TET3: variants seen among roughly 807,000 people sequenced by gnomAD.
TET3 encodes the protein methylcytosine dioxygenase TET3.
Under a neutral mutation model 141.4 loss-of-function variants are expected in TET3, and 19 were observed. The ratio of observed to expected loss-of-function variants is 0.13; its 90% CI spans 0.09 to 0.20. The LOEUF (loss-of-function observed/expected upper bound fraction) is 0.20. Among genes scored for constraint, TET3 ranks in the 10% least tolerant of loss-of-function variants. TET3 has a pLI of 1.00. For synonymous variants in TET3, 1,043 were observed against 980.9 expected (o/e 1.06, Z -1.18); for missense variants, 1,874 against 2,356.9 (o/e 0.80, Z 4.24).
chr2:74,050,744 G>A (rs1212885803), intron 4 of TET3, among the ~76,000 whole-genome samples: 2 of 151,768 alleles, frequency 1.3e-5, no homozygotes, highest in Non-Finnish European at 2.9e-5. Flanking sequence ...TGGAGACGAG[G>A]TCTCACTATA....
intron 3 of TET3, among the ~76,000 whole-genome samples, chr2:74,029,097 C>A (rs1686533120): frequency 6.6e-6 from 1 of 152,184 alleles, no homozygotes; most frequent in African/African-American, 2.4e-5. Flanking sequence ...TGCTTCTCCT[C>A]CAATCTTGAA....
the TET3 span, chr2:74,121,426 CAAT>C: frequency 2.0e-5 from 3 of 152,180 alleles, no homozygotes; most frequent in Non-Finnish European, 4.4e-5. Flanking sequence ...GCAACTGAAT[CAAT>C]GATCAGAAAA....
At chr2:74,096,067 TTTAC>T (rs762320432) in intron 10 of TET3, among the ~76,000 whole-genome samples, 1 of 152,156 alleles carries the variant, frequency 6.6e-6, no homozygotes, top group Non-Finnish European at 1.5e-5. Flanking sequence ...ATTTATGTAC[TTTAC>T]TTATTTTTTT....
chr2:74,079,612 G>C (rs572480482), intron 5 of TET3, among the ~76,000 whole-genome samples: 42 of 152,292 alleles, frequency 2.8e-4, no homozygotes, highest in African/African-American at 9.9e-4. Context: ...GTGGACTATT[G>C]TTTGATCTTT....
chr2:74,032,181 G>T (rs950887389), intron 3 of TET3, among the ~76,000 whole-genome samples: 1 of 152,188 alleles, frequency 6.6e-6, no homozygotes, highest in African/African-American at 2.4e-5. Flanking sequence ...AGGGATTGGG[G>T]GCTTCTTTAG....
intron 3 of TET3, among the ~76,000 whole-genome samples, chr2:74,041,162 A>G (rs746309605): frequency 6.6e-5 from 10 of 152,104 alleles, no homozygotes; most frequent in Non-Finnish European, 1.3e-4. Context: ...ATTTTCTAGT[A>G]TCTCTAAGTA....
intron 3 of TET3, among the ~76,000 whole-genome samples, chr2:74,035,983 C>T (rs965262710): frequency 2.0e-5 from 3 of 152,142 alleles, no homozygotes; most frequent in Non-Finnish European, 4.4e-5. Flanking sequence ...CACCACTGCA[C>T]TCCAGCCTGG....
chr2:74,109,549 C>CAATT (rs1691652319), downstream of TET3, among the ~76,000 whole-genome samples: 1 of 152,194 alleles, frequency 6.6e-6, no homozygotes, highest in African/African-American at 2.4e-5. Context: ...CAAGTTGTTG[C>CAATT]AATTATAAAT....
intron 11 of TET3, among the ~76,000 whole-genome samples, 185 bp downstream of exon 11, chr2:74,099,797 G>A (rs1253842287): frequency 6.6e-6 from 1 of 152,164 alleles, no homozygotes; most frequent in East Asian, 1.9e-4. Flanking sequence ...AGTACAGCAG[G>A]ACTTGTTATC....
chr2:74,097,227 A>C (rs1294094262), intron 10 of TET3, among the ~76,000 whole-genome samples: 1 of 151,692 alleles, frequency 6.6e-6, no homozygotes, highest in Non-Finnish European at 1.5e-5. Flanking sequence ...ACACACACAC[A>C]CACATACATT....
At chr2:74,037,307 A>G (rs1204955583) in intron 3 of TET3, among the ~76,000 whole-genome samples, 1 of 152,264 alleles carries the variant, frequency 6.6e-6, no homozygotes, top group Non-Finnish European at 1.5e-5. Context: ...AACCCTAGAC[A>G]GAACATGCCA....
At chr2:74,007,668 C>T (rs1685214786) in intron 3 of TET3, among the ~76,000 whole-genome samples, 1 of 152,190 alleles carries the variant, frequency 6.6e-6, no homozygotes. Flanking sequence ...CTACTCTACT[C>T]CTACTCCTGG....
Position 74,092,999 on chromosome 2 carries a change from GC to G in TET3, c.3129+11del. ...CAGGCCTATCAGAACCAGGTAACGG[GC>G]CCTGGGCCTTTTGCTGCCCACATGT... is the stretch of plus-strand genomic sequence containing the variant. On this transcript the variant is annotated intron_variant, in intron 9 of 11. Coordinates refer to ENST00000409262, the MANE Select transcript of TET3 (RefSeq NM_001287491.2). 6.4e-7 allele frequency: 1 copy of G among 1,561,356 alleles called. No homozygotes were observed. The highest frequency in any genetic ancestry group is 8.7e-7 in the Non-Finnish European group (1 of 1,152,604).
At chr2:74,114,768 C>T in the TET3 span, among the ~76,000 whole-genome samples, 4 of 144,506 alleles carry the variant, frequency 2.8e-5, no homozygotes, top group East Asian at 2.1e-4. Flanking sequence ...GCAGGAAAAT[C>T]GTTTGAACCC....
rs1234193989 is a variant in TET3 at position 73,985,070 on chromosome 2, C to CGGCGGCGGCCGCGACGGTGGT, written c.-502_-482dup. The CGGCGGCGGCCGCGACGGTGGT allele has an allele frequency of 6.8e-6, 1 of 146,418 alleles. No individual in the cohort carries two copies. Among genetic ancestry groups the CGGCGGCGGCCGCGACGGTGGT allele is most frequent in the African/African-American group, 2.5e-5 (1 of 40,206 alleles). The allele number at this position is 146,418 out of a possible 1,614,324, so 9.1% of individuals were successfully genotyped here. On this transcript the variant is annotated 5_prime_UTR_variant, in exon 1 of 12. Coordinates refer to ENST00000409262, the MANE Select transcript of TET3 (RefSeq NM_001287491.2). Reference sequence around the variant, plus strand: ...GGGAGGCGGGAGCCCCAGGCGGCGGCGGCGGCGGCCGCGACGGTGGTGGCG... The same window carrying CGGCGGCGGCCGCGACGGTGGT: ...GGGAGGCGGGAGCCCCAGGCGGCGGCGGCGGCGGCCGCGACGGTGGTGGCGGCGGCCGCGACGGTGGTGGCG...
chr2:74,030,124 T>G (rs767160167), intron 3 of TET3, among the ~76,000 whole-genome samples: 2 of 152,150 alleles, frequency 1.3e-5, no homozygotes, highest in African/African-American at 2.4e-5. Flanking sequence ...GTATATTTGT[T>G]TGAGAGATAA....
chr2:73,995,720 G>A (rs985333137), intron 2 of TET3, among the ~76,000 whole-genome samples: 1 of 152,292 alleles, frequency 6.6e-6, no homozygotes, highest in South Asian at 2.1e-4. Flanking sequence ...GTAGGACAGT[G>A]CTGGGAGCCA....
chr2:74,042,815 G>A (rs538924304), intron 3 of TET3, among the ~76,000 whole-genome samples: 2 of 152,344 alleles, frequency 1.3e-5, no homozygotes, highest in African/African-American at 4.8e-5. Context: ...CAGGTGTTGA[G>A]AAAGGTATCA....
chr2:74,083,071 G>C lies in TET3; in HGVS notation c.2679+2480G>C, dbSNP rs1280416694. 4.6e-5 allele frequency among the ~76,000 whole-genome samples: 7 copies of C among 152,166 alleles called. No homozygotes were observed. In the East Asian group the frequency reaches 1.3e-3, roughly 29 times the overall value. On this transcript the variant is annotated intron_variant, in intron 6 of 11. Coordinates refer to ENST00000409262, the MANE Select transcript of TET3 (RefSeq NM_001287491.2). ...AGTGTGCCTCACATGTTCTGCACTT[G>C]ACTGGCCAGGATTTGGGGACACAGT...
Sources: gnomAD v4.1 joint callset for allele counts (sites outside exome capture counted in the v4.1 genomes callset) on GRCh38, gnomAD v4.1.1 for gene constraint, MANE v1.5 for transcripts, NCBI Gene and HGNC (gene_info 2026-07-23, HGNC 2026-07-21) for gene names.